BOP1: variants seen among roughly 807,000 people sequenced by gnomAD.
BOP1 encodes the protein ribosome biogenesis protein BOP1.
A neutral mutation model predicts 82.9 loss-of-function variants in BOP1; 54 were observed. That is an observed-to-expected ratio of 0.65 (90% CI 0.52 to 0.82). The LOEUF (loss-of-function observed/expected upper bound fraction) is 0.82, where lower values mean the gene tolerates loss of function less well. BOP1 is among the 40% of genes least tolerant of loss of function. The probability of loss-of-function intolerance (pLI) is 0.00; values close to 1 mark genes in which losing one functional copy is unlikely to be tolerated. For missense variants in BOP1, 1,170 were observed against 1,072.0 expected, an observed-to-expected ratio of 1.09 and a Z score of -1.28; for synonymous variants, 566 against 451.1, an observed-to-expected ratio of 1.25 and a Z score of -3.23.
chr8:144,277,785 C>G (rs1217794886), intron 2 of BOP1, among the ~76,000 whole-genome samples: 1 of 55,448 alleles, frequency 1.8e-5, no homozygotes, highest in Non-Finnish European at 6.0e-5. Flanking sequence ...GGCCCAGCGC[C>G]CGAAGGGCAG....
intron 3 of BOP1, among the ~76,000 whole-genome samples, 161 bp downstream of exon 3, chr8:144,276,062 TG>T (rs1845563660): frequency 6.6e-6 from 1 of 152,164 alleles, no homozygotes; most frequent in Non-Finnish European, 1.5e-5. Context: ...CTCTTGCAGA[TG>T]GGGAAGCAGG....
chr8:144,273,538 CA>C (rs1250243608), intron 3 of BOP1, among the ~76,000 whole-genome samples: 3 of 152,238 alleles, frequency 2.0e-5, no homozygotes, highest in Non-Finnish European at 4.4e-5. Context: ...CGGCCACAGG[CA>C]GGGGGAGGGT....
At chr8:144,265,341 C>T (rs1249184398) in intron 3 of BOP1, 3 of 574,166 alleles carry the variant, frequency 5.2e-6, no homozygotes, top group African/African-American at 1.9e-5. Flanking sequence ...GAGCTCCCCC[C>T]TCACTGGATT....
Position 144,264,608 on chromosome 8 carries a change from G to T in BOP1, c.672C>A (p.Val224=). Residue 224 remains valine, a synonymous_variant, in exon 6 of 16, where the codon GTC becomes GTA. Coordinates refer to ENST00000569669, the MANE Select transcript of BOP1 (RefSeq NM_015201.5). ...DVGFNPYEPA[V]DFFSGDVMIH... is the part of the protein sequence containing the mutation. ...TCATGACGTCCCCGCTGAAGAAGTCGACAGCCGGCTGGGGGAGAAGATGTG... is the reference window on the plus strand; with the variant it reads ...TCATGACGTCCCCGCTGAAGAAGTCTACAGCCGGCTGGGGGAGAAGATGTG... 6.3e-7 allele frequency: 1 copy of T among 1,599,528 alleles called. No individual in the cohort carries two copies. Among genetic ancestry groups the T allele is most frequent in the Non-Finnish European group, 8.5e-7 (1 of 1,173,180 alleles).
At chr8:144,267,274 C>T in intron 3 of BOP1, 1 of 1,371,198 alleles carries the variant, frequency 7.3e-7, no homozygotes, top group Non-Finnish European at 9.4e-7. Flanking sequence ...ACGGGCAGGG[C>T]TCCCCAACAG....
At chr8:144,267,998 T>C in intron 3 of BOP1, 1 of 1,512,720 alleles carries the variant, frequency 6.6e-7, no homozygotes, top group Non-Finnish European at 9.0e-7. Context: ...GGGAAGGAGG[T>C]GCCTTGGCGC....
At chr8:144,280,607 CTT>C (rs1192023011) in intron 2 of BOP1, among the ~76,000 whole-genome samples, 3 of 152,246 alleles carry the variant, frequency 2.0e-5, no homozygotes, top group Non-Finnish European at 4.4e-5. Context: ...CATCCCAGCA[CTT>C]TGGGAGACCG....
At chr8:144,290,357 A>G (rs972966376) in intron 1 of BOP1, among the ~76,000 whole-genome samples, 7 of 152,064 alleles carry the variant, frequency 4.6e-5, no homozygotes, top group Non-Finnish European at 1.0e-4. Flanking sequence ...AAAAAAGAAA[A>G]AAGAAAGAAA....
chr8:144,266,102 CAG>C (rs1249055540), intron 3 of BOP1: 5 of 152,482 alleles, frequency 3.3e-5, no homozygotes, highest in Admixed American at 2.0e-4. Context: ...CAAAGACAGA[CAG>C]GGTGCGGTCA....
Position 144,267,906 on chromosome 8 carries a change from C to G in BOP1, c.391-2835G>C, listed in dbSNP as rs1259433285. On this transcript the variant is annotated intron_variant, in intron 3 of 15. Transcript: ENST00000569669. ...GCGCGAGCTCCTGGGGCCTGAACAT[C>G]TGGGAAATTTAATTTTACAATTTCG... Among the ~76,000 whole-genome samples the G allele has an allele frequency of 5.9e-5, 9 of 152,362 alleles. No individual in the cohort carries two copies. In the East Asian group the frequency reaches 7.7e-4, roughly 13 times the overall value.
chr8:144,288,496 C>A (rs1814945198), intron 2 of BOP1, among the ~76,000 whole-genome samples: 1 of 151,986 alleles, frequency 6.6e-6, no homozygotes, highest in Non-Finnish European at 1.5e-5. Context: ...CCACTGCACT[C>A]CAGCCTGGGC....
At chr8:144,265,165 G>T in intron 3 of BOP1, 94 bp from the exon 4 acceptor site, 1 of 1,436,732 alleles carries the variant, frequency 7.0e-7, no homozygotes, top group Non-Finnish European at 9.5e-7. Flanking sequence ...GTTGCAGGGG[G>T]AGTGCAGGCC....
chr8:144,274,952 G>GC lies in BOP1; in HGVS notation c.390+1271dup, dbSNP rs1343900093. Among the ~76,000 whole-genome samples the GC allele has an allele frequency of 5.7e-4, 87 of 152,296 alleles. 1 individual carries two copies. The South Asian group carries it at 6.0e-3, about 11-fold the overall frequency. On this transcript the variant is annotated intron_variant, in intron 3 of 15. Transcript: ENST00000569669. ...AGACAGGCAGGGAGTGCGCGGCGTG[G>GC]CCCCCCCGCTCTGAGTGAGCCCGCT...
chr8:144,262,532 G>A lies in BOP1; in HGVS notation c.1980-29C>T, dbSNP rs1161893341. 7.4e-6 allele frequency: 12 copies of A among 1,612,862 alleles called. No individual in the cohort carries two copies. In the East Asian group the frequency reaches 2.5e-4, roughly 33 times the overall value. The stretch of plus-strand genomic sequence containing the variant: ...GGGGGAGGGAACCAGGTTGAAGGCA[G>A]GCTCGGGCTGAAGGGAGGGGCTCTG... On this transcript the variant is annotated intron_variant, in intron 14 of 15. Coordinates refer to ENST00000569669, the MANE Select transcript of BOP1 (RefSeq NM_015201.5).
Position 144,262,457 on chromosome 8 carries a change from G to A in BOP1, c.2026C>T (p.Pro676Ser), listed in dbSNP as rs1408992976. 3.7e-6 allele frequency: 6 copies of A among 1,612,824 alleles called. No homozygotes were observed. Among genetic ancestry groups the A allele is most frequent in the Non-Finnish European group, 5.1e-6 (6 of 1,179,848 alleles). Residue 676 changes from proline to serine, a missense_variant, in exon 15 of 16, where the codon CCA becomes TCA. Coordinates refer to ENST00000569669, the MANE Select transcript of BOP1 (RefSeq NM_015201.5). ...LRAVAFHPRY[P>S]LFASGSDDGS... Reference sequence around the variant, plus strand: ...TCGTCCGAGCCTGACGCAAAGAGTGGGTACCGCGGGTGGAAGGCCACAGCC... The same window carrying A: ...TCGTCCGAGCCTGACGCAAAGAGTGAGTACCGCGGGTGGAAGGCCACAGCC...
Position 144,262,095 on chromosome 8 carries a change from C to T in BOP1, c.*69G>A, listed in dbSNP as rs1455204104. ...ACCCCAATTCAAGAAGGTGGGAGCACCAGGCAGCACAGGGTAAAGGCTCTG... is the reference window on the plus strand; with the variant it reads ...ACCCCAATTCAAGAAGGTGGGAGCATCAGGCAGCACAGGGTAAAGGCTCTG... On this transcript the variant is annotated 3_prime_UTR_variant, in exon 16 of 16. Transcript: ENST00000569669. 33 of 1,604,038 alleles carry T rather than the reference C, an allele frequency of 2.1e-5. No homozygotes were observed. Among genetic ancestry groups the T allele is most frequent in the Non-Finnish European group, 2.7e-5 (32 of 1,176,138 alleles).
Position 144,262,266 on chromosome 8 carries a change from G to A in BOP1, c.2139C>T (p.His713=), listed in dbSNP as rs1367224467. ...LLVPVKVLKG[H]VLTRDLGVLD... is the part of the protein sequence containing the mutation. ...GCACTCCCAGATCTCGGGTCAGCAC[G>A]TGTCCCTTCAGCACCTTGACGGGCA... The change falls in exon 16 of 16, where the codon CAC becomes CAT. Residue 713 remains histidine, a synonymous_variant. Transcript: ENST00000569669. 1.1e-5 allele frequency: 17 copies of A among 1,612,706 alleles called. No homozygotes were observed. Among genetic ancestry groups the A allele is most frequent in the Middle Eastern group, 1.6e-4 (1 of 6,076 alleles).
rs1332531160 is a variant in BOP1 at position 144,262,812 on chromosome 8, C to G, written c.1894+41G>C. ...ACCTGCAGGGTACACCGCCCCCCCC[C>G]CCACCCCTCACCTGCAGGGTGCACC... is the stretch of plus-strand genomic sequence containing the variant. On this transcript the variant is annotated intron_variant, in intron 13 of 15. Coordinates refer to ENST00000569669, the MANE Select transcript of BOP1 (RefSeq NM_015201.5). The G allele has an allele frequency of 2.0e-5, 14 of 702,814 alleles. 1 individual carries two copies. The highest frequency in any genetic ancestry group is 4.4e-4 in the Middle Eastern group (1 of 2,254). The allele number at this position is 702,814 out of a possible 1,614,324, so 43.5% of individuals were successfully genotyped here.
At chr8:144,262,709 T>C (rs1845238137) in intron 13 of BOP1, 37 bp from the exon 14 acceptor site, 1 of 1,601,840 alleles carries the variant, frequency 6.2e-7, no homozygotes, top group African/African-American at 1.4e-5. Flanking sequence ...GTTCCCGCTC[T>C]CACCTGCAGG....
Sources: gnomAD v4.1 joint callset for allele counts (sites outside exome capture counted in the v4.1 genomes callset) on GRCh38, gnomAD v4.1.1 for gene constraint, MANE v1.5 for transcripts, NCBI Gene and HGNC (gene_info 2026-07-23, HGNC 2026-07-21) for gene names.